The following DMD variants were observed in gnomAD, a reference collection of about 807,000 sequenced individuals.
DMD encodes mutant dystrophin.
Under a neutral mutation model 330.1 loss-of-function variants are expected in DMD, and 63 were observed. That is an observed-to-expected ratio of 0.19 (90% CI 0.16 to 0.24). The LOEUF is 0.24. DMD is among the 10% of genes least tolerant of loss of function. DMD has a pLI of 1.00. For synonymous variants in DMD, 1,223 were observed against 959.8 expected (o/e 1.27, Z -5.07); for missense variants, 3,344 against 2,684.1 (o/e 1.25, Z -5.43).
At position 32,105,100 on chromosome X, in the gene DMD, G is replaced by A. The variant is rs1483905507; in HGVS notation, c.6438+111816C>T. On this transcript the variant is annotated intron_variant, in intron 44 of 78. Coordinates refer to ENST00000357033, the MANE Select transcript of DMD (RefSeq NM_004006.3). ...TGAGGAAACACTGTTTACGCATCAT[G>A]AAGAGTCTAGTCGCTTACCAACACA... is the stretch of plus-strand genomic sequence containing the variant. 4.5e-5 allele frequency among the ~76,000 whole-genome samples: 5 copies of A among 111,940 alleles called. No individual in the cohort carries two copies. The East Asian group carries it at 1.4e-3, about 31-fold the overall frequency.
chrX:31,920,766 C>T (rs965329010), intron 47 of DMD, among the ~76,000 whole-genome samples: 1 of 111,558 alleles, frequency 9.0e-6, no homozygotes, highest in Non-Finnish European at 1.9e-5. Flanking sequence ...TAAGAATAGT[C>T]GAATTTGTTT....
chrX:31,238,884 G>A lies in DMD; in HGVS notation c.9287-15763C>T, dbSNP rs763714145. ...AGGGAGGGAAACTGACCAGTCAATG[G>A]GATGAGGGAGTGACCAGGAATGTAA... On this transcript the variant is annotated intron_variant, in intron 63 of 78. Coordinates refer to ENST00000357033, the MANE Select transcript of DMD (RefSeq NM_004006.3). Among the ~76,000 whole-genome samples the A allele has an allele frequency of 8.9e-5, 10 of 111,805 alleles. No homozygotes were observed. In the East Asian group the frequency reaches 2.8e-3, roughly 31 times the overall value.
intron 60 of DMD, among the ~76,000 whole-genome samples, chrX:31,418,818 T>A (rs2063212046): frequency 8.9e-6 from 1 of 112,744 alleles, no homozygotes; most frequent in South Asian, 3.7e-4. Flanking sequence ...CACATTTTCA[T>A]GCAAATGTCT....
At chrX:32,335,862 CGTTATATGTGTATAACAT>C (rs1043644809) in intron 41 of DMD, among the ~76,000 whole-genome samples, 1 of 103,411 alleles carries the variant, frequency 9.7e-6, no homozygotes, top group Admixed American at 1.0e-4. Context: ...TTATATTCAA[CGTTATATGTGTATAACAT>C]GTTATATATA....
chrX:32,216,189 C>G (rs1158996325), intron 44 of DMD, among the ~76,000 whole-genome samples: 3 of 111,816 alleles, frequency 2.7e-5, no homozygotes, highest in African/African-American at 6.5e-5. Context: ...AAAAAAGATG[C>G]AAAAATAATT....
chrX:31,892,609 A>C, intron 47 of DMD, among the ~76,000 whole-genome samples: 1 of 111,293 alleles, frequency 9.0e-6, no homozygotes, highest in South Asian at 3.7e-4. Context: ...TAGGTGGTAC[A>C]TATAGCCTAC....
At chrX:32,728,883 T>G (rs942221404) in intron 7 of DMD, among the ~76,000 whole-genome samples, 1 of 111,861 alleles carries the variant, frequency 8.9e-6, no homozygotes, top group African/African-American at 3.2e-5. Context: ...ACACTGTTAG[T>G]CTTTCCATCT....
intron 12 of DMD, among the ~76,000 whole-genome samples, chrX:32,607,240 C>T (rs776737937): frequency 1.8e-5 from 2 of 110,006 alleles, no homozygotes; most frequent in Non-Finnish European, 3.8e-5. Context: ...TGAGGAAATG[C>T]TTATTTTCTT....
At position 31,651,938 on chromosome X, in the gene DMD, A is replaced by G. The variant is rs2080477493; in HGVS notation, c.8027+6052T>C. 3.6e-5 allele frequency among the ~76,000 whole-genome samples: 4 copies of G among 110,915 alleles called. No homozygotes were observed. The South Asian group carries it at 1.5e-3, about 43-fold the overall frequency. ...CTCCTCCATTCAAAACCCTCCAATA[A>G]CTCCCATCTCATTCAGATTAAAAGC... On this transcript the variant is annotated intron_variant, in intron 54 of 78. Transcript: ENST00000357033.
chrX:31,303,345 C>G (rs1040900317), intron 62 of DMD, among the ~76,000 whole-genome samples: 3 of 111,052 alleles, frequency 2.7e-5, no homozygotes, highest in Non-Finnish European at 3.8e-5. Flanking sequence ...ATTTACAGTG[C>G]TTTTTGGATG....
At chrX:31,836,922 T>C in intron 48 of DMD, 103 bp from the exon 49 acceptor site, 1 of 697,864 alleles carries the variant, frequency 1.4e-6, no homozygotes, top group East Asian at 3.4e-5. Context: ...TGCAGATCAA[T>C]TTCTGCCTGG....
In DMD at chrX:32,152,268, T is replaced by TG. The variant is rs1310749599; in HGVS notation, c.6438+64647dup. On this transcript the variant is annotated intron_variant, in intron 44 of 78. Transcript: ENST00000357033. ...CTGTCGGAAATTGATTTTTTAAAGA[T>TG]GGGGGGTGGGCGTTGAGTAAATCTA... Among the ~76,000 whole-genome samples the TG allele has an allele frequency of 2.7e-5, 3 of 111,342 alleles. No homozygotes were observed. The Admixed American group carries it at 2.9e-4, about 11-fold the overall frequency.
At chrX:32,055,047 T>C (rs1437090194) in intron 44 of DMD, among the ~76,000 whole-genome samples, 1 of 111,776 alleles carries the variant, frequency 8.9e-6, no homozygotes, top group Non-Finnish European at 1.9e-5. Flanking sequence ...AATGCTGCTG[T>C]TTAAAAACTA....
chrX:31,554,773 A>C (rs2074703509), intron 55 of DMD, among the ~76,000 whole-genome samples: 1 of 111,865 alleles, frequency 8.9e-6, no homozygotes, highest in South Asian at 3.7e-4. Flanking sequence ...AGTACAAAAA[A>C]GTACAAAAAG....
chrX:32,518,910 A>T (rs1170695848), intron 17 of DMD, among the ~76,000 whole-genome samples: 1 of 109,714 alleles, frequency 9.1e-6, no homozygotes, highest in Non-Finnish European at 1.9e-5. Context: ...AGAAATAATA[A>T]ATAGGTGCTG....
intron 44 of DMD, among the ~76,000 whole-genome samples, chrX:32,164,718 G>C (rs1356066176): frequency 9.0e-6 from 1 of 111,351 alleles, no homozygotes; most frequent in Non-Finnish European, 1.9e-5. Flanking sequence ...TCCAGGGCAA[G>C]TCAGAGACCT....
intron 7 of DMD, among the ~76,000 whole-genome samples, chrX:32,809,143 T>A (rs1313012818): frequency 5.4e-5 from 6 of 111,749 alleles, no homozygotes; most frequent in African/African-American, 1.9e-4. Flanking sequence ...TAATTATAGC[T>A]GATTACTCTA....
At chrX:31,318,474 T>A (rs1044601464) in intron 62 of DMD, among the ~76,000 whole-genome samples, 1 of 112,250 alleles carries the variant, frequency 8.9e-6, no homozygotes, top group Non-Finnish European at 1.9e-5. Context: ...AACTGTTAAC[T>A]TCATCCAATA....
chrX:32,684,353 C>A (rs974959933), intron 9 of DMD, among the ~76,000 whole-genome samples: 2 of 111,335 alleles, frequency 1.8e-5, no homozygotes, highest in African/African-American at 3.3e-5. Flanking sequence ...ATAACTATAG[C>A]ATGAATTTTA....
Sources: allele counts gnomAD v4.1 joint callset (sites outside exome capture counted in the v4.1 genomes callset), GRCh38; gene constraint gnomAD v4.1.1; transcripts MANE v1.5; gene names NCBI Gene and HGNC (gene_info 2026-07-23, HGNC 2026-07-21).